Variants in EXOC4 observed in about 807,000 individuals in gnomAD.
The protein encoded by EXOC4 is SEC8-like 1.
Under a neutral mutation model 107.2 loss-of-function variants are expected in EXOC4, and 71 were observed. That is an observed-to-expected ratio of 0.66 (90% CI 0.55 to 0.81). EXOC4 has a LOEUF of 0.81. Ranked by LOEUF, EXOC4 falls within the 30% of genes least tolerant of loss-of-function variation. The pLI is 0.00. For missense variants in EXOC4, 1,108 were observed against 1,189.6 expected (o/e 0.93, Z 1.01); for synonymous variants, 456 against 441.2 (o/e 1.03, Z -0.42).
At chr7:133,521,998 A>T (rs1053084796) in intron 9 of EXOC4, among the ~76,000 whole-genome samples, 3 of 150,886 alleles carry the variant, frequency 2.0e-5, no homozygotes, top group East Asian at 3.9e-4. Context: ...TTTTTTTTTT[A>T]AACTGGATTT....
At chr7:133,566,829 G>A (rs994162723) in intron 9 of EXOC4, among the ~76,000 whole-genome samples, 4 of 152,086 alleles carry the variant, frequency 2.6e-5, no homozygotes, top group Middle Eastern at 3.2e-3. Context: ...ATGATTTTAT[G>A]GTTATGTGTA....
chr7:133,448,744 C>A (rs1798275291), intron 7 of EXOC4, among the ~76,000 whole-genome samples: 1 of 152,126 alleles, frequency 6.6e-6, no homozygotes, highest in Non-Finnish European at 1.5e-5. Context: ...CAGATGCAGT[C>A]AAATTAAGGT....
At chr7:133,495,033 A>G (rs893302461) in intron 9 of EXOC4, among the ~76,000 whole-genome samples, 2 of 152,152 alleles carry the variant, frequency 1.3e-5, no homozygotes, top group Admixed American at 1.3e-4. Context: ...GCACAGTGGG[A>G]GGCCGAGCTG....
intron 11 of EXOC4, among the ~76,000 whole-genome samples, chr7:133,861,018 T>TGGGACCC (rs1397655151): frequency 6.6e-6 from 1 of 152,208 alleles, no homozygotes; most frequent in African/African-American, 2.4e-5. Context: ...CATCCAAAGA[T>TGGGACCC]ATCCAAATAC....
At chr7:133,299,314 A>G (rs1794591870) in intron 3 of EXOC4, among the ~76,000 whole-genome samples, 1 of 152,130 alleles carries the variant, frequency 6.6e-6, no homozygotes, top group Non-Finnish European at 1.5e-5. Flanking sequence ...TTCAATAGAA[A>G]GTTCTTAGTT....
chr7:133,579,221 C>T (rs1239712615), intron 9 of EXOC4, among the ~76,000 whole-genome samples: 2 of 152,090 alleles, frequency 1.3e-5, no homozygotes, highest in Non-Finnish European at 2.9e-5. Context: ...TTAAACTTGA[C>T]TAACAGTGAA....
chr7:133,915,115 G>A (rs1165680204), intron 12 of EXOC4, among the ~76,000 whole-genome samples: 1 of 152,188 alleles, frequency 6.6e-6, no homozygotes, highest in Non-Finnish European at 1.5e-5. Context: ...AGTAGACCTT[G>A]GAGAGAGATT....
rs1052140543 is a variant in EXOC4, at chr7:134,043,614, A to T, written c.2688-20677A>T. On this transcript the variant is annotated intron_variant, in intron 17 of 17. Coordinates refer to ENST00000253861, the MANE Select transcript of EXOC4 (RefSeq NM_021807.4). ...GGTGCATTCAGGGTCCTCCAGGGAT[A>T]GCAGTTTCTTCCTGGTCCCTAGGAA... Among the ~76,000 whole-genome samples the T allele has an allele frequency of 2.3e-5, 3 of 128,542 alleles. No homozygotes were observed. The East Asian group carries it at 5.8e-4, about 25-fold the overall frequency. The allele number at this position is 128,542 out of a possible 152,430, so 84.3% of individuals were successfully genotyped here. A position where few individuals can be genotyped will look rare whatever the true frequency, so the allele number is the denominator to read the frequency against.
intron 3 of EXOC4, among the ~76,000 whole-genome samples, chr7:133,305,619 C>T (rs1315439154): frequency 1.3e-5 from 2 of 152,038 alleles, no homozygotes; most frequent in African/African-American, 4.8e-5. Context: ...TGTCCATTGA[C>T]AGATGTGTGT....
At chr7:133,801,207 T>C (rs1402367168) in intron 10 of EXOC4, among the ~76,000 whole-genome samples, 2 of 152,198 alleles carry the variant, frequency 1.3e-5, no homozygotes, top group South Asian at 2.1e-4. Context: ...AACCCTCAAC[T>C]TTTAATTCAT....
intron 14 of EXOC4, among the ~76,000 whole-genome samples, chr7:133,993,607 G>A (rs1032049180): frequency 2.0e-5 from 3 of 152,160 alleles, no homozygotes; most frequent in Non-Finnish European, 4.4e-5. Flanking sequence ...TTTTTAATTT[G>A]CAGTGATTTA....
At chr7:133,440,091 C>G (rs113056940) in intron 7 of EXOC4, among the ~76,000 whole-genome samples, 1 of 152,172 alleles carries the variant, frequency 6.6e-6, no homozygotes, top group Non-Finnish European at 1.5e-5. Context: ...CTCCCACCCC[C>G]ACAGGGACAC....
intron 14 of EXOC4, among the ~76,000 whole-genome samples, chr7:133,953,566 G>A (rs1237465309): frequency 6.6e-6 from 1 of 152,080 alleles, no homozygotes; most frequent in African/African-American, 2.4e-5. Flanking sequence ...TGGGAGGAAC[G>A]CTTGAGCCTG....
At chr7:133,323,277 G>A (rs1327769132) in intron 5 of EXOC4, among the ~76,000 whole-genome samples, 2 of 151,988 alleles carry the variant, frequency 1.3e-5, no homozygotes, top group East Asian at 1.9e-4. Context: ...AGAGGGCATC[G>A]TTTTCTTGTG....
intron 11 of EXOC4, among the ~76,000 whole-genome samples, chr7:133,827,443 GC>G (rs1255822719): frequency 6.6e-6 from 1 of 152,086 alleles, no homozygotes; most frequent in Non-Finnish European, 1.5e-5. Flanking sequence ...TTTCTGCAAA[GC>G]AATGACAGAA....
downstream of EXOC4, among the ~76,000 whole-genome samples, chr7:134,071,480 C>G (rs1356674749): frequency 1.3e-5 from 2 of 152,130 alleles, no homozygotes; most frequent in African/African-American, 2.4e-5. Flanking sequence ...GTAAAGGGAA[C>G]AAGGAGGGGG....
At chr7:133,511,499 C>T (rs750638037) in intron 9 of EXOC4, among the ~76,000 whole-genome samples, 18 of 152,106 alleles carry the variant, frequency 1.2e-4, no homozygotes, top group East Asian at 1.9e-4. Context: ...GGAGTAGGAG[C>T]GGGCCTTCAC....
At position 133,794,369 on chromosome 7, in the gene EXOC4, G is replaced by T. The variant is rs544606991; in HGVS notation, c.1515-22956G>T. Among the ~76,000 whole-genome samples, 7 of 152,246 alleles carry T rather than the reference G, an allele frequency of 4.6e-5. No homozygotes were observed. In the East Asian group the frequency reaches 1.2e-3, roughly 25 times the overall value. On this transcript the variant is annotated intron_variant, in intron 10 of 17. Transcript: ENST00000253861. Reference sequence around the variant, plus strand: ...TTTAAGTGGTGAATTCCTTCAGAAAGCCACTGGCCGACTAGCCCCTTGGTG... The same window carrying T: ...TTTAAGTGGTGAATTCCTTCAGAAATCCACTGGCCGACTAGCCCCTTGGTG...
At chr7:133,588,976 GTA>G (rs1801477770) in intron 9 of EXOC4, among the ~76,000 whole-genome samples, 4 of 152,062 alleles carry the variant, frequency 2.6e-5, no homozygotes, top group African/African-American at 9.6e-5. Flanking sequence ...GTGTGTGTGT[GTA>G]TGTGTATACA....
Sources: allele counts gnomAD v4.1 joint callset (sites outside exome capture counted in the v4.1 genomes callset), GRCh38; gene constraint gnomAD v4.1.1; transcripts MANE v1.5; gene names NCBI Gene and HGNC (gene_info 2026-07-23, HGNC 2026-07-21).